KCNC2: variants seen among roughly 807,000 people sequenced by gnomAD.
KCNC2 encodes voltage-gated potassium channel KCNC2.
In KCNC2, 21 loss-of-function variants were observed where a neutral mutation model predicts 44.5. The observed-to-expected ratio is 0.47, with a 90% CI of 0.33 to 0.68. KCNC2 has a LOEUF of 0.68. KCNC2 is among the 30% of genes least tolerant of loss of function. KCNC2 has a pLI of 0.01. For synonymous variants in KCNC2, 391 were observed against 339.1 expected (o/e 1.15, Z -1.68); for missense variants, 589 against 826.2 (o/e 0.71, Z 3.52).
In KCNC2 at chr12:75,062,048, A is replaced by G. The variant is rs200548303; in HGVS notation, c.688-10731T>C. Among the ~76,000 whole-genome samples the G allele has an allele frequency of 7.9e-4, 121 of 152,266 alleles. 1 individual carries two copies. The East Asian group carries it at 0.013, about 16-fold the overall frequency. On this transcript the variant is annotated intron_variant, in intron 2 of 4. Coordinates refer to ENST00000549446, the MANE Select transcript of KCNC2 (RefSeq NM_139137.4). ...TTCCAAAAATAACAATAGTAATAAT[A>G]ACACTAATAGATAAAATTCAGTGAA...
intron 2 of KCNC2, among the ~76,000 whole-genome samples, chr12:75,148,117 T>C (rs574412028): frequency 6.6e-6 from 1 of 152,230 alleles, no homozygotes; most frequent in South Asian, 2.1e-4. Context: ...CTACAATGTA[T>C]ACATATATCA....
chr12:75,084,610 C>A (rs940153919), intron 2 of KCNC2, among the ~76,000 whole-genome samples: 5 of 151,848 alleles, frequency 3.3e-5, no homozygotes, highest in African/African-American at 1.2e-4. Context: ...CTGAGGTCTC[C>A]CCAAACATGT....
intron 2 of KCNC2, among the ~76,000 whole-genome samples, chr12:75,204,150 T>C (rs1342849718): frequency 6.6e-6 from 1 of 151,974 alleles, no homozygotes; most frequent in African/African-American, 2.4e-5. Flanking sequence ...TATATTTGAA[T>C]TTTTATAAAT....
intron 2 of KCNC2, among the ~76,000 whole-genome samples, chr12:75,115,837 C>T (rs1336615278): frequency 6.6e-6 from 1 of 151,906 alleles, no homozygotes; most frequent in Non-Finnish European, 1.5e-5. Context: ...GGACACCCTC[C>T]CCCCAAAATA....
chr12:75,157,350 C>T (rs1318659942), intron 2 of KCNC2, among the ~76,000 whole-genome samples: 1 of 151,782 alleles, frequency 6.6e-6, no homozygotes, highest in Non-Finnish European at 1.5e-5. Flanking sequence ...GAGGAAAAGG[C>T]TAAAAGAATC....
In KCNC2 at chr12:75,040,819, C is replaced by T; in HGVS notation, c.*2286G>A. On this transcript the variant is annotated 3_prime_UTR_variant, in exon 5 of 5. Coordinates refer to ENST00000549446, the MANE Select transcript of KCNC2 (RefSeq NM_139137.4). Reference sequence around the variant, plus strand: ...TGCCTTAAGTAATTCACAGCACAACCTAATGTGGGCCCATGAAGAGTAATT... The same window carrying T: ...TGCCTTAAGTAATTCACAGCACAACTTAATGTGGGCCCATGAAGAGTAATT... The T allele has an allele frequency of 2.6e-6, 1 of 386,854 alleles. No individual in the cohort carries two copies. Among genetic ancestry groups the T allele is most frequent in the South Asian group, 4.2e-5 (1 of 24,024 alleles). The allele number at this position is 386,854 out of a possible 1,614,324, so 24.0% of individuals were successfully genotyped here.
chr12:75,135,257 G>GA (rs142541693), intron 2 of KCNC2, among the ~76,000 whole-genome samples: 17,142 of 144,944 alleles, frequency 0.12, 1,102 homozygotes, highest in African/African-American at 0.17. Flanking sequence ...AATGTAAAAT[G>GA]AAAAAAAAAA....
chr12:75,190,608 A>G (rs564577158), intron 2 of KCNC2, among the ~76,000 whole-genome samples: 1 of 152,268 alleles, frequency 6.6e-6, no homozygotes, highest in South Asian at 2.1e-4. Flanking sequence ...TACTAAGCTA[A>G]GATAACTTTC....
At chr12:75,072,768 C>A (rs367917790) in intron 2 of KCNC2, among the ~76,000 whole-genome samples, 1 of 152,070 alleles carries the variant, frequency 6.6e-6, no homozygotes, top group South Asian at 2.1e-4. Context: ...CAGTTTAAAT[C>A]AGACATTTAA....
intron 2 of KCNC2, among the ~76,000 whole-genome samples, chr12:75,145,593 C>T (rs539457712): frequency 6.6e-6 from 1 of 152,046 alleles, no homozygotes; most frequent in South Asian, 2.1e-4. Flanking sequence ...TGATCATCAT[C>T]TGTCATGTTT....
intron 2 of KCNC2, among the ~76,000 whole-genome samples, chr12:75,163,341 A>G (rs1891242101): frequency 6.6e-6 from 1 of 151,766 alleles, no homozygotes; most frequent in Non-Finnish European, 1.5e-5. Context: ...TAAAAGAGGT[A>G]TTATTGTGGA....
At chr12:75,149,739 A>T (rs896070113) in intron 2 of KCNC2, among the ~76,000 whole-genome samples, 49 of 151,982 alleles carry the variant, frequency 3.2e-4, no homozygotes, top group African/African-American at 8.2e-4. Context: ...GAAAAAAAAA[A>T]GTCTAGTATA....
At chr12:75,150,576 T>C (rs2137460701) in intron 2 of KCNC2, among the ~76,000 whole-genome samples, 1 of 152,066 alleles carries the variant, frequency 6.6e-6, no homozygotes, top group East Asian at 1.9e-4. Context: ...CAATACTTCC[T>C]TGGCATTATA....
At chr12:75,096,867 CT>C (rs1885971969) in intron 2 of KCNC2, among the ~76,000 whole-genome samples, 4 of 152,132 alleles carry the variant, frequency 2.6e-5, no homozygotes, top group South Asian at 4.2e-4. Flanking sequence ...GAAATTTCTA[CT>C]TTAAAATCAT....
chr12:75,139,889 A>C (rs555857687), intron 2 of KCNC2, among the ~76,000 whole-genome samples: 33 of 152,336 alleles, frequency 2.2e-4, no homozygotes, highest in African/African-American at 7.2e-4. Context: ...AATTCCACAT[A>C]TGTAAAACTG....
chr12:75,102,836 A>G (rs1167472029), intron 2 of KCNC2, among the ~76,000 whole-genome samples: 1 of 152,158 alleles, frequency 6.6e-6, no homozygotes, highest in Middle Eastern at 3.4e-3. Flanking sequence ...TTTATTAATA[A>G]TAGAGCTTTT....
chr12:75,042,309 G>A lies in KCNC2; in HGVS notation c.*796C>T. 2 of 1,611,154 alleles carry A rather than the reference G, an allele frequency of 1.2e-6. No individual in the cohort carries two copies. Among genetic ancestry groups the A allele is most frequent in the South Asian group, 1.1e-5 (1 of 90,948 alleles). ...CTCTCATGTTTTGTGCCTTCCCCAA[G>A]TCATTAAGTAAGAGATCTGGCCTCG... On this transcript the variant is annotated 3_prime_UTR_variant, in exon 5 of 5. Transcript: ENST00000549446.
At chr12:75,202,388 C>G (rs1485837907) in intron 2 of KCNC2, among the ~76,000 whole-genome samples, 1 of 151,756 alleles carries the variant, frequency 6.6e-6, no homozygotes, top group Non-Finnish European at 1.5e-5. Flanking sequence ...AATGCTTAGA[C>G]TATAAGCATA....
chr12:75,095,062 T>C (rs932832738), intron 2 of KCNC2, among the ~76,000 whole-genome samples: 2 of 151,862 alleles, frequency 1.3e-5, no homozygotes, highest in African/African-American at 4.8e-5. Flanking sequence ...CCACACATTG[T>C]CAGCTCATTG....
Sources: allele counts gnomAD v4.1 joint callset (sites outside exome capture counted in the v4.1 genomes callset), GRCh38; gene constraint gnomAD v4.1.1; transcripts MANE v1.5; gene names NCBI Gene and HGNC (gene_info 2026-07-23, HGNC 2026-07-21).